SPTLC1: variants seen among roughly 807,000 people sequenced by gnomAD.
SPTLC1 encodes serine palmitoyltransferase long chain base subunit 1, also known as serine palmitoyltransferase 1.
A neutral mutation model predicts 68.9 loss-of-function variants in SPTLC1; 55 were observed. The ratio of observed to expected loss-of-function variants is 0.80; its 90% CI spans 0.64 to 1.00. The LOEUF is 1.00. Ranked by LOEUF, SPTLC1 falls within the 50% of genes least tolerant of loss-of-function variation. SPTLC1 has a pLI of 0.00. For synonymous variants in SPTLC1, 197 were observed against 201.6 expected, an observed-to-expected ratio of 0.98 and a Z score of 0.19; for missense variants, 449 against 573.1, an observed-to-expected ratio of 0.78 and a Z score of 2.21.
At chr9:92,101,237 G>C (rs184524607) in intron 3 of SPTLC1, among the ~76,000 whole-genome samples, 1 of 152,052 alleles carries the variant, frequency 6.6e-6, no homozygotes, top group African/African-American at 2.4e-5. Flanking sequence ...TAGCCTGAAT[G>C]AGAAATTCAA....
intron 11 of SPTLC1, 163 bp from the exon 12 acceptor site, chr9:92,046,216 T>A (rs1833508480): frequency 6.0e-6 from 4 of 671,720 alleles, no homozygotes; most frequent in Non-Finnish European, 1.0e-5. Flanking sequence ...GGCCCAAGCT[T>A]TGTCTCTGGT....
intron 3 of SPTLC1, among the ~76,000 whole-genome samples, chr9:92,103,108 A>G (rs569631464): frequency 1.4e-4 from 21 of 152,368 alleles, no homozygotes; most frequent in African/African-American, 5.1e-4. Context: ...AGAGAAACTG[A>G]CTTTTATCCA....
At chr9:92,106,809 TCTGACCC>T (rs1415699099) in intron 3 of SPTLC1, among the ~76,000 whole-genome samples, 9 of 152,168 alleles carry the variant, frequency 5.9e-5, no homozygotes, top group Non-Finnish European at 1.2e-4. Flanking sequence ...GCCTCTGACC[TCTGACCC>T]ATGCCCCACA....
At chr9:92,054,600 A>G (rs183027087) in intron 8 of SPTLC1, among the ~76,000 whole-genome samples, 199 of 152,222 alleles carry the variant, frequency 1.3e-3, no homozygotes, top group Non-Finnish European at 2.4e-3. Flanking sequence ...CGTTGATTTC[A>G]CCTAAATAAA....
At chr9:92,060,454 A>C (rs187128985) in intron 6 of SPTLC1, among the ~76,000 whole-genome samples, 1 of 152,356 alleles carries the variant, frequency 6.6e-6, no homozygotes, top group East Asian at 1.9e-4. Flanking sequence ...AAATGAAATA[A>C]TAAAAAGCCT....
chr9:92,100,790 G>C (rs1197835976), intron 3 of SPTLC1, among the ~76,000 whole-genome samples: 1 of 151,192 alleles, frequency 6.6e-6, no homozygotes, highest in Non-Finnish European at 1.5e-5. Flanking sequence ...CTACAGCCTA[G>C]GTCACCAAGA....
chr9:92,064,211 C>T (rs576249647), intron 6 of SPTLC1, among the ~76,000 whole-genome samples: 3 of 152,006 alleles, frequency 2.0e-5, no homozygotes, highest in South Asian at 2.1e-4. Context: ...GCAATGAATA[C>T]GTGGACATCA....
chr9:92,045,524 TAAAAAAAAAAAAAA>T (rs71362367), intron 12 of SPTLC1, among the ~76,000 whole-genome samples: 320 of 31,630 alleles, frequency 0.01, 6 homozygotes, highest in African/African-American at 0.034. Flanking sequence ...TCTTGTGTAG[TAAAAAAAAAAAAAA>T]AAAAAAAAAA....
chr9:92,051,761 T>C (rs1412725577), intron 8 of SPTLC1, among the ~76,000 whole-genome samples: 2 of 152,198 alleles, frequency 1.3e-5, no homozygotes, highest in Non-Finnish European at 2.9e-5. Flanking sequence ...TCAGCAGAAG[T>C]TACATTATGC....
intron 5 of SPTLC1, among the ~76,000 whole-genome samples, chr9:92,071,720 C>T (rs1834499104): frequency 6.6e-6 from 1 of 152,138 alleles, no homozygotes; most frequent in Non-Finnish European, 1.5e-5. Flanking sequence ...CCCTGTGACC[C>T]ACACGTACAC....
At chr9:92,083,256 T>C (rs1483200295) in intron 3 of SPTLC1, among the ~76,000 whole-genome samples, 1 of 152,222 alleles carries the variant, frequency 6.6e-6, no homozygotes, top group Non-Finnish European at 1.5e-5. Flanking sequence ...TAGATCCCAT[T>C]TGTCAATTTT....
At chr9:92,046,251 C>A in intron 11 of SPTLC1, 198 bp from the exon 12 acceptor site, 1 of 598,348 alleles carries the variant, frequency 1.7e-6, no homozygotes, top group Non-Finnish European at 3.0e-6. Flanking sequence ...CCCTTCTCAC[C>A]TCAGTATCCC....
At chr9:92,084,863 T>A (rs957958649) in intron 3 of SPTLC1, among the ~76,000 whole-genome samples, 13 of 152,256 alleles carry the variant, frequency 8.5e-5, no homozygotes, top group African/African-American at 3.1e-4. Flanking sequence ...TGTGAATCCA[T>A]CTGGTCCTGG....
chr9:92,061,434 A>G (rs1834096853), intron 6 of SPTLC1, among the ~76,000 whole-genome samples: 1 of 152,224 alleles, frequency 6.6e-6, no homozygotes, highest in Non-Finnish European at 1.5e-5. Context: ...TGAAATCAAG[A>G]CATTCTCAGT....
intron 6 of SPTLC1, 56 bp downstream of exon 6, chr9:92,067,906 AAGAC>A: frequency 1.9e-6 from 3 of 1,556,008 alleles, no homozygotes; most frequent in Non-Finnish European, 1.8e-6. Context: ...GTATTTCTCT[AAGAC>A]AGTCAGTATT....
At position 92,113,309 on chromosome 9, in the gene SPTLC1, C is replaced by G. The variant is rs182669173; in HGVS notation, c.58-747G>C. Among the ~76,000 whole-genome samples the G allele has an allele frequency of 1.2e-3, 182 of 152,266 alleles. 2 individuals are homozygous for G. Among genetic ancestry groups the G allele is most frequent in the African/African-American group, 4.0e-3 (168 of 41,550 alleles). On this transcript the variant is annotated intron_variant, in intron 1 of 14. Coordinates refer to ENST00000262554, the MANE Select transcript of SPTLC1 (RefSeq NM_006415.4). ...AAATACAATTCATTTATGAATAAGTCTAAATACCCTTTTAGTTTTCTCAAT... is the reference window on the plus strand; with the variant it reads ...AAATACAATTCATTTATGAATAAGTGTAAATACCCTTTTAGTTTTCTCAAT...
intron 13 of SPTLC1, 41 bp downstream of exon 13, chr9:92,038,207 G>T (rs747230526): frequency 7.5e-7 from 1 of 1,338,212 alleles, no homozygotes; most frequent in Non-Finnish European, 1.1e-6. Context: ...GGCAAGGGCA[G>T]AAGTGGTGTG....
At chr9:92,081,006 G>T in intron 3 of SPTLC1, 43 bp from the exon 4 acceptor site, 1 of 1,430,014 alleles carries the variant, frequency 7.0e-7, no homozygotes, top group Non-Finnish European at 9.9e-7. Flanking sequence ...ACACATTCAT[G>T]TTACATGCTA....
chr9:92,044,458 CT>C, intron 12 of SPTLC1, among the ~76,000 whole-genome samples: 1 of 152,192 alleles, frequency 6.6e-6, no homozygotes. Context: ...CAGTGGAGAC[CT>C]CCACAAAAAC....
Sources: gnomAD v4.1 joint callset for allele counts (sites outside exome capture counted in the v4.1 genomes callset) on GRCh38, gnomAD v4.1.1 for gene constraint, MANE v1.5 for transcripts, NCBI Gene and HGNC (gene_info 2026-07-23, HGNC 2026-07-21) for gene names.